ARHGEF33: variants seen among roughly 807,000 people sequenced by gnomAD.
ARHGEF33 encodes the protein DH and coiled-coil domain-containing protein ENSP00000381780.
Under a neutral mutation model 101.9 loss-of-function variants are expected in ARHGEF33, and 72 were observed. The ratio of observed to expected loss-of-function variants is 0.71; its 90% CI spans 0.58 to 0.86. ARHGEF33 has a LOEUF of 0.86. ARHGEF33 is among the 40% of genes least tolerant of loss of function. The pLI, the probability that ARHGEF33 is intolerant of heterozygous loss-of-function variation, is 0.00. For synonymous variants in ARHGEF33, 499 were observed against 442.5 expected (o/e 1.13, Z -1.60); for missense variants, 1,169 against 1,111.3 (o/e 1.05, Z -0.74).
At chr2:38,907,317 G>T (rs549444700) in intron 2 of ARHGEF33, among the ~76,000 whole-genome samples, 1 of 152,294 alleles carries the variant, frequency 6.6e-6, no homozygotes, top group East Asian at 1.9e-4. Flanking sequence ...TGTTCACTGG[G>T]CAGTAGTGGG....
chr2:38,971,821 G>C (rs1365217245), intron 17 of ARHGEF33: 2 of 718,432 alleles, frequency 2.8e-6, no homozygotes, highest in Non-Finnish European at 5.2e-6. Flanking sequence ...TTTAAGCTGA[G>C]TTTATGGACT....
At position 38,929,771 on chromosome 2, in the gene ARHGEF33, A is replaced by G. The variant is rs2124997972; in HGVS notation, c.303A>G (p.Gln101=). ...TCACTTCCAAACAAGAAGAAATGCA[A>G]CAGAAAATCGAGCAGCTTCAACAGG... ...QAITSKQEEM[Q]QKIEQLQQEK... Residue 101 remains glutamine (Q), a synonymous_variant, in exon 6 of 18, where the codon CAA becomes CAG. Transcript: ENST00000409978. The G allele has an allele frequency of 6.4e-7, 1 of 1,551,904 alleles. No individual in the cohort carries two copies. The highest frequency in any genetic ancestry group is 1.4e-5 in the African/African-American group (1 of 73,184).
chr2:38,944,900 TGC>T (rs1553343319), intron 10 of ARHGEF33, among the ~76,000 whole-genome samples: 44 of 151,922 alleles, frequency 2.9e-4, no homozygotes, highest in South Asian at 1.0e-3. Flanking sequence ...TGTGTGTGTG[TGC>T]GCGCTCATAG....
At chr2:38,949,088 G>A (rs1475389355) in intron 10 of ARHGEF33, among the ~76,000 whole-genome samples, 1 of 152,074 alleles carries the variant, frequency 6.6e-6, no homozygotes, top group Non-Finnish European at 1.5e-5. Context: ...TCTCGTGTTT[G>A]TGTGTCTCCT....
chr2:38,941,342 T>C (rs763406555), intron 9 of ARHGEF33, among the ~76,000 whole-genome samples: 3 of 152,170 alleles, frequency 2.0e-5, no homozygotes, highest in African/African-American at 7.2e-5. Flanking sequence ...AGATATAAGA[T>C]GGAGTCAGCT....
At chr2:38,904,998 G>C (rs895941072) in intron 2 of ARHGEF33, among the ~76,000 whole-genome samples, 1 of 152,096 alleles carries the variant, frequency 6.6e-6, no homozygotes, top group African/African-American at 2.4e-5. Flanking sequence ...CGATCATTCC[G>C]AGGTCTTGAG....
Position 38,898,886 on chromosome 2 carries a change from A to G in ARHGEF33, c.-86+3037A>G, listed in dbSNP as rs530922109. ...ATCTTATAAAACATTTTTGAAATAC[A>G]AAGAATCATTTGGTCTTTGCCAAAG... On this transcript the variant is annotated intron_variant, in intron 2 of 17. Coordinates refer to ENST00000409978, the MANE Select transcript of ARHGEF33 (RefSeq NM_001145451.5). 1.2e-3 allele frequency among the ~76,000 whole-genome samples: 186 copies of G among 152,340 alleles called. 2 individuals are homozygous for G. Among genetic ancestry groups the G allele is most frequent in the African/African-American group, 4.3e-3 (178 of 41,578 alleles).
At chr2:38,958,705 ATTG>A (rs1465616609) in intron 15 of ARHGEF33, among the ~76,000 whole-genome samples, 1 of 44,424 alleles carries the variant, frequency 2.3e-5, no homozygotes, top group Non-Finnish European at 4.6e-5. Flanking sequence ...TTATATTTGC[ATTG>A]TTTTTATTTT....
chr2:38,895,751 G>A (rs1666107740), intron 1 of ARHGEF33, 26 bp from the exon 2 acceptor site: 1 of 150,862 alleles, frequency 6.6e-6, no homozygotes. Context: ...CATTATCAAT[G>A]GCGTTTTTTT....
rs150260831 is a variant in ARHGEF33, at chr2:38,950,969, C to T, written c.921-20C>T. The stretch of plus-strand genomic sequence containing the variant: ...TCTCTACACCTTGTTTGTGTGATTC[C>T]GTCTCTATTCTGTTTCAAGCCTCTT... On this transcript the variant is annotated intron_variant, in intron 10 of 17. Coordinates refer to ENST00000409978, the MANE Select transcript of ARHGEF33 (RefSeq NM_001145451.5). The T allele has an allele frequency of 3.8e-3, 5,817 of 1,548,110 alleles. 29 individuals are homozygous for T. Among genetic ancestry groups the T allele is most frequent in the South Asian group, 0.011 (938 of 83,068 alleles).
intron 1 of ARHGEF33, among the ~76,000 whole-genome samples, chr2:38,892,867 T>G (rs1362404590): frequency 6.6e-6 from 1 of 152,190 alleles, no homozygotes; most frequent in African/African-American, 2.4e-5. Context: ...CATCATTATC[T>G]TTTACTTGAG....
intron 4 of ARHGEF33, among the ~76,000 whole-genome samples, chr2:38,922,970 G>A (rs534679097): frequency 2.0e-5 from 3 of 152,258 alleles, no homozygotes; most frequent in South Asian, 2.1e-4. Flanking sequence ...TCCTCCAGAC[G>A]CTTTCCCTGC....
Position 38,951,119 on chromosome 2 carries a change from G to A in ARHGEF33, c.1051G>A (p.Glu351Lys), listed in dbSNP as rs1667591423. ...TTTATTCCTTAAGTTAACAAATGAC[G>A]AGGTAAGGTTTTTTCTGCCCCTCTA... ...GDLFLKLTNDENNFLDYYVAY... is the reference protein window; with the variant it reads ...GDLFLKLTNDKNNFLDYYVAY... The change falls in exon 11 of 18, where the codon GAG becomes AAG. Residue 351 changes from glutamate (E) to lysine (K), a missense_variant and splice_region_variant. Coordinates refer to ENST00000409978, the MANE Select transcript of ARHGEF33 (RefSeq NM_001145451.5). The A allele has an allele frequency of 6.4e-7, 1 of 1,551,392 alleles. No homozygotes were observed. Among genetic ancestry groups the A allele is most frequent in the South Asian group, 1.2e-5 (1 of 84,020 alleles).
chr2:38,927,418 G>A (rs541508532), intron 4 of ARHGEF33, among the ~76,000 whole-genome samples: 16 of 152,290 alleles, frequency 1.1e-4, no homozygotes, highest in South Asian at 4.1e-4. Flanking sequence ...ACTTGAGGCC[G>A]GGCACAGTGG....
chr2:38,917,284 G>A (rs561434266), intron 2 of ARHGEF33, among the ~76,000 whole-genome samples: 71 of 151,376 alleles, frequency 4.7e-4, no homozygotes, highest in African/African-American at 1.7e-3. Flanking sequence ...TAAAGACGGG[G>A]TTTCACCATG....
intron 9 of ARHGEF33, among the ~76,000 whole-genome samples, chr2:38,940,169 A>G (rs1008272764): frequency 6.6e-5 from 10 of 152,210 alleles, no homozygotes; most frequent in Non-Finnish European, 1.5e-4. Flanking sequence ...TCTTGACAGT[A>G]TTGAGTCTTC....
At chr2:38,912,537 C>G (rs776559261) in intron 2 of ARHGEF33, among the ~76,000 whole-genome samples, 1 of 152,074 alleles carries the variant, frequency 6.6e-6, no homozygotes, top group African/African-American at 2.4e-5. Context: ...GTTCTGGAAA[C>G]TTAGCTTAAG....
intron 16 of ARHGEF33, among the ~76,000 whole-genome samples, chr2:38,965,376 T>A (rs1572782802): frequency 6.6e-6 from 1 of 152,356 alleles, no homozygotes; most frequent in South Asian, 2.1e-4. Flanking sequence ...AGCCTTATTT[T>A]TAACTTATTT....
intron 2 of ARHGEF33, among the ~76,000 whole-genome samples, chr2:38,912,144 C>T (rs1358538048): frequency 6.6e-6 from 1 of 152,216 alleles, no homozygotes; most frequent in East Asian, 1.9e-4. Context: ...CCGCCAAGGC[C>T]TGAATGGGTG....
Sources: allele counts gnomAD v4.1 joint callset (sites outside exome capture counted in the v4.1 genomes callset), GRCh38; gene constraint gnomAD v4.1.1; transcripts MANE v1.5; gene names NCBI Gene and HGNC (gene_info 2026-07-23, HGNC 2026-07-21).